Variants in DPYD observed in about 807,000 individuals in gnomAD.
DPYD encodes the protein dihydropyrimidine dehydrogenase [NADP(+)].
Under a neutral mutation model 116.2 loss-of-function variants are expected in DPYD, and 109 were observed. The ratio of observed to expected loss-of-function variants is 0.94; its 90% confidence interval spans 0.80 to 1.10. DPYD has a LOEUF of 1.10. Ranked by LOEUF, DPYD falls within the 50% of genes least tolerant of loss-of-function variation. DPYD has a pLI of 0.00. For synonymous variants in DPYD, 440 were observed against 432.0 expected (o/e 1.02, Z -0.23); for missense variants, 1,302 against 1,254.5 (o/e 1.04, Z -0.57).
intron 14 of DPYD, among the ~76,000 whole-genome samples, chr1:97,413,651 G>T (rs1674136233): frequency 6.6e-6 from 1 of 151,928 alleles, no homozygotes; most frequent in East Asian, 1.9e-4. Context: ...TTTTTGTGTT[G>T]TTTTTGTAGA....
chr1:97,227,331 C>CAAAAAAAAAAAAAAAAAAAAAAAAAA (rs60992225), intron 19 of DPYD, among the ~76,000 whole-genome samples: 12 of 26,368 alleles, frequency 4.6e-4, no homozygotes, highest in Non-Finnish European at 7.1e-4. Flanking sequence ...GACTCTATCT[C>CAAAAAAAAAAAAAAAAAAAAAAAAAA]AAAAAAAAAA....
intron 3 of DPYD, among the ~76,000 whole-genome samples, chr1:97,751,460 G>GTGTGTATA (rs763260651): frequency 0.026 from 553 of 21,218 alleles, 16 homozygotes; most frequent in South Asian, 0.036. Context: ...GTGTGTGTGT[G>GTGTGTATA]TATATATATA....
intron 20 of DPYD, among the ~76,000 whole-genome samples, chr1:97,125,523 A>G (rs959887393): frequency 3.9e-5 from 6 of 152,058 alleles, no homozygotes. Flanking sequence ...GGCCTGGAGA[A>G]TGAGACTCAG....
At chr1:97,495,268 C>T (rs1252084271) in intron 13 of DPYD, among the ~76,000 whole-genome samples, 5 of 151,170 alleles carry the variant, frequency 3.3e-5, no homozygotes, top group Non-Finnish European at 1.5e-5. Flanking sequence ...TCAAAACATA[C>T]TTTGGGGAGA....
chr1:97,627,248 C>A (rs1656987168), intron 8 of DPYD, among the ~76,000 whole-genome samples: 1 of 152,064 alleles, frequency 6.6e-6, no homozygotes, highest in South Asian at 2.1e-4. Context: ...GATGCAGATC[C>A]AGGATTTGGA....
intron 14 of DPYD, among the ~76,000 whole-genome samples, chr1:97,385,642 A>G (rs1456151619): frequency 6.6e-6 from 1 of 152,026 alleles, no homozygotes; most frequent in Non-Finnish European, 1.5e-5. Flanking sequence ...TGGCTGCTCA[A>G]TCAGCACAGT....
intron 5 of DPYD, chr1:97,700,287 G>A: frequency 2.2e-6 from 1 of 455,906 alleles, no homozygotes; most frequent in Admixed American, 2.4e-5. Context: ...TTTTGGAAAT[G>A]TAGGAGGCCA....
At chr1:97,545,973 T>C in intron 12 of DPYD, 2 of 1,301,702 alleles carry the variant, frequency 1.5e-6, no homozygotes, top group African/African-American at 1.5e-5. Context: ...AGATGAAAAA[T>C]ATGAAGAGGT....
chr1:97,318,739 C>T (rs1668027214), intron 16 of DPYD, among the ~76,000 whole-genome samples: 1 of 149,424 alleles, frequency 6.7e-6, no homozygotes, highest in African/African-American at 2.5e-5. Flanking sequence ...ACCTAATAGA[C>T]ATCTACAGAA....
intron 3 of DPYD, among the ~76,000 whole-genome samples, chr1:97,793,795 C>A (rs1216587437): frequency 6.6e-6 from 1 of 152,072 alleles, no homozygotes; most frequent in Non-Finnish European, 1.5e-5. Context: ...ATATTTGCAA[C>A]CCTAGGGTAG....
intron 4 of DPYD, among the ~76,000 whole-genome samples, chr1:97,723,209 T>C (rs1366841885): frequency 2.6e-5 from 4 of 151,622 alleles, no homozygotes; most frequent in Non-Finnish European, 4.4e-5. Context: ...GAAAGTTATG[T>C]CTGCCATGTA....
intron 3 of DPYD, among the ~76,000 whole-genome samples, chr1:97,741,590 C>T (rs1457655091): frequency 1.3e-5 from 2 of 152,144 alleles, no homozygotes; most frequent in Non-Finnish European, 2.9e-5. Flanking sequence ...CCTTTATTTG[C>T]ACATTAACTT....
chr1:97,095,904 GTA>G (rs1650212643), intron 21 of DPYD: 1 of 152,098 alleles, frequency 6.6e-6, no homozygotes, highest in Non-Finnish European at 1.5e-5. Flanking sequence ...GAAGGCCAAG[GTA>G]GTGGAAAATC....
intron 3 of DPYD, among the ~76,000 whole-genome samples, chr1:97,746,802 C>CTGG (rs1209103520): frequency 3.9e-5 from 6 of 152,052 alleles, no homozygotes; most frequent in Admixed American, 1.3e-4. Context: ...TCTGAATCTA[C>CTGG]TGGGGCTCTC....
At chr1:97,814,539 C>G (rs1668484611) in intron 3 of DPYD, among the ~76,000 whole-genome samples, 1 of 152,050 alleles carries the variant, frequency 6.6e-6, no homozygotes, top group South Asian at 2.1e-4. Flanking sequence ...AATTTTTATA[C>G]AACTTTCTTA....
intron 11 of DPYD, among the ~76,000 whole-genome samples, chr1:97,572,494 A>G (rs1221126744): frequency 6.6e-6 from 1 of 151,968 alleles, no homozygotes; most frequent in African/African-American, 2.4e-5. Flanking sequence ...TGGATAGGCA[A>G]ATAATCAACA....
chr1:97,191,545 C>A (rs1658366843), intron 20 of DPYD, among the ~76,000 whole-genome samples: 1 of 152,106 alleles, frequency 6.6e-6, no homozygotes, highest in South Asian at 2.1e-4. Context: ...CAAACTATTA[C>A]CAAATCAGTT....
rs796464915 is a variant in DPYD at position 97,462,471 on chromosome 1, G to A, written c.1741-12248C>T. On this transcript the variant is annotated intron_variant, in intron 13 of 22. Transcript: ENST00000370192. ...GAATAGGCCCCCTCCTCTCAGTCAAGGGCATTGCAAAGTTAACCTGAAAAA... is the reference window on the plus strand; with the variant it reads ...GAATAGGCCCCCTCCTCTCAGTCAAAGGCATTGCAAAGTTAACCTGAAAAA... Among the ~76,000 whole-genome samples the A allele has an allele frequency of 3.9e-5, 6 of 152,052 alleles. No individual in the cohort carries two copies. In the South Asian group the frequency reaches 1.2e-3, roughly 31 times the overall value.
chr1:97,562,783 A>G (rs1190746741), intron 11 of DPYD, among the ~76,000 whole-genome samples: 2 of 152,098 alleles, frequency 1.3e-5, no homozygotes, highest in African/African-American at 2.4e-5. Flanking sequence ...CAGTGGCATG[A>G]TCTTGGCTCG....
Sources: allele counts gnomAD v4.1 joint callset (sites outside exome capture counted in the v4.1 genomes callset), GRCh38; gene constraint gnomAD v4.1.1; transcripts MANE v1.5; gene names NCBI Gene and HGNC (gene_info 2026-07-23, HGNC 2026-07-21).